The following MYLK variants were observed in gnomAD, a reference collection of about 807,000 sequenced individuals.
MYLK encodes myosin light chain kinase, smooth muscle.
MYLK carries 106 observed loss-of-function variants against 203.4 expected under a neutral mutation model. The observed-to-expected ratio is 0.52, with a 90% CI of 0.45 to 0.61. The LOEUF (loss-of-function observed/expected upper bound fraction) is 0.61. MYLK is among the 20% of genes least tolerant of loss of function. The probability of loss-of-function intolerance (pLI) is 0.00; values close to 1 mark genes in which losing one functional copy is unlikely to be tolerated. For synonymous variants in MYLK, 867 were observed against 959.5 expected, an observed-to-expected ratio of 0.90 and a Z score of 1.78; for missense variants, 2,072 against 2,442.3, an observed-to-expected ratio of 0.85 and a Z score of 3.20.
At chr3:123,735,272 A>C in intron 9 of MYLK, 126 bp downstream of exon 9, 2 of 1,286,006 alleles carry the variant, frequency 1.6e-6, no homozygotes, top group Admixed American at 3.4e-5. Flanking sequence ...AAAATAAAAC[A>C]ACATCCTCCA....
intron 20 of MYLK, among the ~76,000 whole-genome samples, chr3:123,668,443 G>A (rs552154046): frequency 6.4e-4 from 88 of 136,928 alleles, no homozygotes; most frequent in Admixed American, 3.5e-3. Context: ...CCATTTATAC[G>A]ACATTCTAGA....
intron 5 of MYLK, among the ~76,000 whole-genome samples, chr3:123,742,807 T>C (rs1040819057): frequency 1.3e-5 from 2 of 152,188 alleles, no homozygotes; most frequent in Non-Finnish European, 2.9e-5. Context: ...AATGAAGTAC[T>C]AACACGTGGT....
In MYLK at chr3:123,841,069, T is replaced by G. The variant is rs1371135133; in HGVS notation, c.-126-9399A>C. The stretch of plus-strand genomic sequence containing the variant: ...GATATGCTGTTCCAGAAAGAGCTTG[T>G]TACATATAGGCAGATTTCTATTGAA... On this transcript the variant is annotated intron_variant, in intron 2 of 33. Transcript: ENST00000360304. Among the ~76,000 whole-genome samples, 4 of 152,246 alleles carry G rather than the reference T, an allele frequency of 2.6e-5. No individual in the cohort carries two copies. In the South Asian group the frequency reaches 8.3e-4, roughly 32 times the overall value.
intron 4 of MYLK, among the ~76,000 whole-genome samples, chr3:123,769,953 G>A (rs2063821944): frequency 6.6e-6 from 1 of 152,068 alleles, no homozygotes; most frequent in Non-Finnish European, 1.5e-5. Flanking sequence ...GGCTGCTCAC[G>A]AGTACTAAAG....
chr3:123,721,722 T>C (rs988347702), intron 13 of MYLK, among the ~76,000 whole-genome samples: 10 of 151,290 alleles, frequency 6.6e-5, no homozygotes, highest in Non-Finnish European at 1.5e-4. Flanking sequence ...CCAAGTCCTT[T>C]TGTAGTGTGC....
chr3:123,765,558 C>T (rs781502028), intron 4 of MYLK, among the ~76,000 whole-genome samples: 15 of 148,496 alleles, frequency 1.0e-4, no homozygotes, highest in Non-Finnish European at 2.1e-4. Flanking sequence ...GGAAAAAAAA[C>T]AAAAGAAAAA....
chr3:123,734,327 G>T, intron 9 of MYLK, 105 bp from the exon 10 acceptor site: 4 of 1,188,550 alleles, frequency 3.4e-6, no homozygotes, highest in Non-Finnish European at 4.6e-6. Flanking sequence ...GGATTCCAGG[G>T]ATCACAAAAG....
At chr3:123,875,426 G>C (rs148793042) in intron 2 of MYLK, among the ~76,000 whole-genome samples, 2 of 152,134 alleles carry the variant, frequency 1.3e-5, no homozygotes, top group African/African-American at 2.4e-5. Flanking sequence ...AGAACACAGG[G>C]AGAGAAAGCA....
intron 12 of MYLK, among the ~76,000 whole-genome samples, chr3:123,722,780 C>A (rs989028311): frequency 2.0e-5 from 3 of 152,166 alleles, no homozygotes; most frequent in Non-Finnish European, 4.4e-5. Context: ...TTCAATTTTC[C>A]ACTGTAGATA....
intron 17 of MYLK, 69 bp from the exon 18 acceptor site, chr3:123,701,074 G>C: frequency 6.3e-7 from 1 of 1,576,632 alleles, no homozygotes; most frequent in Non-Finnish European, 8.6e-7. Context: ...GAAACTTCAG[G>C]GGAGAGCAAA....
rs748583667 is a variant in MYLK at position 123,733,825 on chromosome 3, T to C, written c.1171A>G (p.Ser391Gly). The C allele has an allele frequency of 1.9e-5, 31 of 1,613,978 alleles. No homozygotes were observed. The highest frequency in any genetic ancestry group is 2.6e-5 in the Non-Finnish European group (31 of 1,180,026). ...GCAGCCTTGCTCACAACATCTTGGC[T>C]CCCCAGGCCAGGCTGCCTGGTGGGG... ...TFPTRQPGLG[S>G]QDVVSKAANR... Residue 391 changes from serine to glycine, a missense_variant, in exon 10 of 34, where the codon AGC (serine) becomes GGC (glycine). Ser to Gly is a moderately conservative substitution (Grantham distance 56). Around this residue, in one of 3 missense-constraint regions of MYLK, gnomAD observed 683 missense variants for 643.8 expected, o/e 1.06. Coordinates refer to ENST00000360304, the MANE Select transcript of MYLK (RefSeq NM_053025.4).
intron 13 of MYLK, among the ~76,000 whole-genome samples, chr3:123,717,960 C>G (rs1290514975): frequency 5.3e-5 from 8 of 151,312 alleles, no homozygotes; most frequent in Non-Finnish European, 8.8e-5. Context: ...CTCGCAGGCT[C>G]AAGCAATCCT....
At chr3:123,631,892 CAG>C (rs1372327246) in intron 29 of MYLK, among the ~76,000 whole-genome samples, 4 of 145,956 alleles carry the variant, frequency 2.7e-5, no homozygotes, top group African/African-American at 7.8e-5. Flanking sequence ...TTTTTTGAGA[CAG>C]AGTGTTGCTC....
Position 123,672,228 on chromosome 3 carries a change from G to C in MYLK, c.3653-5041C>G, listed in dbSNP as rs766611245. Among the ~76,000 whole-genome samples, 1,082 of 151,182 alleles carry C rather than the reference G, an allele frequency of 7.2e-3. 12 individuals are homozygous for C. Among genetic ancestry groups the C allele is most frequent in the Non-Finnish European group, 8.5e-3 (576 of 67,860 alleles). On this transcript the variant is annotated intron_variant, in intron 20 of 33. Transcript: ENST00000360304. ...GGGAGGAGAGAGAGAGAGAGAGAGAGAGAAAGGAGCGAGAGAGAAAGAGGG... is the reference window on the plus strand; with the variant it reads ...GGGAGGAGAGAGAGAGAGAGAGAGACAGAAAGGAGCGAGAGAGAAAGAGGG...
chr3:123,689,169 T>A (rs566611891), intron 19 of MYLK, among the ~76,000 whole-genome samples: 1 of 152,128 alleles, frequency 6.6e-6, no homozygotes, highest in South Asian at 2.1e-4. Flanking sequence ...TACCAAAAGC[T>A]GGATGCCCTG....
chr3:123,835,720 A>T (rs149815370), intron 2 of MYLK: 12 of 152,254 alleles, frequency 7.9e-5, no homozygotes, highest in African/African-American at 2.6e-4. Context: ...TCCTCCAAGG[A>T]CACCAGAATC....
At chr3:123,735,335 C>T (rs942883784) in intron 9 of MYLK, 63 bp downstream of exon 9, 25 of 1,599,256 alleles carry the variant, frequency 1.6e-5, no homozygotes, top group Admixed American at 1.0e-4. Flanking sequence ...GGGCATTTCT[C>T]GGTAACATCC....
intron 18 of MYLK, among the ~76,000 whole-genome samples, chr3:123,699,275 G>A (rs2061069155): frequency 6.6e-6 from 1 of 152,068 alleles, no homozygotes; most frequent in African/African-American, 2.4e-5. Flanking sequence ...AGTATAAACT[G>A]GCTCCTCTGA....
chr3:123,639,162 T>A, intron 28 of MYLK: 1 of 715,682 alleles, frequency 1.4e-6, no homozygotes, highest in Non-Finnish European at 1.7e-6. Context: ...AATTTATTGG[T>A]GGTCACTGTT....
Sources: gnomAD v4.1 joint callset for allele counts (sites outside exome capture counted in the v4.1 genomes callset) on GRCh38, gnomAD v4.1.1 for gene constraint, gnomAD v4.1.1 regional missense constraint, MANE v1.5 for transcripts, NCBI Gene and HGNC (gene_info 2026-07-23, HGNC 2026-07-21) for gene names.